LEKR1: variants seen among roughly 807,000 people sequenced by gnomAD.
LEKR1 encodes leucine, glutamate and lysine rich 1.
Under a neutral mutation model 72.4 loss-of-function variants are expected in LEKR1, and 59 were observed. The ratio of observed to expected loss-of-function variants is 0.82; its 90% CI spans 0.66 to 1.01. The LOEUF is 1.01. Ranked by LOEUF, LEKR1 falls within the 50% of genes least tolerant of loss-of-function variation. The pLI is 0.00. For synonymous variants in LEKR1, 257 were observed against 263.2 expected (o/e 0.98, Z 0.23); for missense variants, 728 against 759.2 (o/e 0.96, Z 0.48).
chr3:156,928,770 A>C (rs1724954883), intron 5 of LEKR1, among the ~76,000 whole-genome samples: 2 of 152,086 alleles, frequency 1.3e-5, no homozygotes, highest in Non-Finnish European at 2.9e-5. Context: ...CTGAAACTAA[A>C]GTAGTTGATA....
intron 3 of LEKR1, among the ~76,000 whole-genome samples, chr3:156,893,274 T>G (rs562237125): frequency 3.9e-5 from 6 of 152,282 alleles, no homozygotes; most frequent in Admixed American, 6.5e-5. Context: ...GTCAGATAAG[T>G]CAGACTTTTT....
intron 3 of LEKR1, chr3:156,888,170 A>T: frequency 1.6e-6 from 1 of 620,262 alleles, no homozygotes; most frequent in Non-Finnish European, 2.9e-6. Flanking sequence ...GTAGCAGAGT[A>T]GGAGTGGGGA....
At chr3:156,950,156 G>C (rs952879575) in intron 6 of LEKR1, among the ~76,000 whole-genome samples, 2 of 151,156 alleles carry the variant, frequency 1.3e-5, no homozygotes, top group Non-Finnish European at 3.0e-5. Flanking sequence ...AGGTTGTTCA[G>C]AGCATTATTT....
chr3:156,834,995 T>C (rs962802552), intron 2 of LEKR1, among the ~76,000 whole-genome samples: 2 of 152,244 alleles, frequency 1.3e-5, no homozygotes, highest in African/African-American at 4.8e-5. Flanking sequence ...GAGTTCTTTA[T>C]GTAAACATCC....
chr3:156,853,925 A>G (rs1455211603), intron 3 of LEKR1, among the ~76,000 whole-genome samples: 1 of 152,046 alleles, frequency 6.6e-6, no homozygotes, highest in Non-Finnish European at 1.5e-5. Flanking sequence ...TGTTTGGTGT[A>G]TTCACACCTT....
At chr3:156,984,006 A>C (rs1281556498) in intron 7 of LEKR1, among the ~76,000 whole-genome samples, 1 of 152,154 alleles carries the variant, frequency 6.6e-6, no homozygotes, top group Non-Finnish European at 1.5e-5. Context: ...TAGCAAACAG[A>C]TATTAGAATA....
chr3:156,933,028 T>TCAAA (rs373732154), intron 5 of LEKR1, among the ~76,000 whole-genome samples: 67 of 152,012 alleles, frequency 4.4e-4, no homozygotes, highest in South Asian at 1.5e-3. Flanking sequence ...AGACTCCGTC[T>TCAAA]CAAACAAACA....
intron 12 of LEKR1, among the ~76,000 whole-genome samples, chr3:157,040,926 T>C (rs958588201): frequency 3.3e-5 from 5 of 152,050 alleles, no homozygotes; most frequent in African/African-American, 9.7e-5. Context: ...TCTCCCTTCT[T>C]CCACTGTTTT....
intron 12 of LEKR1, among the ~76,000 whole-genome samples, chr3:157,036,593 T>C (rs1439765731): frequency 6.6e-6 from 1 of 151,734 alleles, no homozygotes; most frequent in Non-Finnish European, 1.5e-5. Flanking sequence ...GACAGCACAA[T>C]GATGGAATAA....
intron 10 of LEKR1, among the ~76,000 whole-genome samples, chr3:157,023,395 G>T (rs1266870005): frequency 6.6e-6 from 1 of 152,170 alleles, no homozygotes; most frequent in Non-Finnish European, 1.5e-5. Context: ...CTCAACTACA[G>T]GAAAAACTGC....
intron 3 of LEKR1, among the ~76,000 whole-genome samples, chr3:156,912,626 G>A (rs941718666): frequency 2.0e-5 from 3 of 152,200 alleles, no homozygotes; most frequent in African/African-American, 7.2e-5. Flanking sequence ...GGCCAAGGGA[G>A]TTCATCCCCA....
intron 5 of LEKR1, among the ~76,000 whole-genome samples, chr3:156,935,635 T>C (rs187231052): frequency 6.6e-6 from 1 of 152,292 alleles, no homozygotes; most frequent in East Asian, 1.9e-4. Context: ...AAAGGATAAT[T>C]CTAGTAAAAG....
At chr3:156,987,463 T>C (rs1553821962) in intron 7 of LEKR1, among the ~76,000 whole-genome samples, 1 of 152,212 alleles carries the variant, frequency 6.6e-6, no homozygotes, top group Non-Finnish European at 1.5e-5. Flanking sequence ...AGTCTGAACA[T>C]ACAGTGAAAG....
At chr3:156,986,122 A>G (rs1730660546) in intron 7 of LEKR1, among the ~76,000 whole-genome samples, 1 of 152,162 alleles carries the variant, frequency 6.6e-6, no homozygotes, top group Non-Finnish European at 1.5e-5. Flanking sequence ...TGACACCTTG[A>G]TTTTAGGACT....
chr3:156,931,162 T>A (rs181588812), intron 5 of LEKR1, among the ~76,000 whole-genome samples: 37 of 152,244 alleles, frequency 2.4e-4, no homozygotes, highest in African/African-American at 8.2e-4. Context: ...GACAAAGAAC[T>A]GTTGTCCCAG....
intron 3 of LEKR1, among the ~76,000 whole-genome samples, chr3:156,870,156 TC>T (rs1362775250): frequency 2.6e-5 from 4 of 152,116 alleles, no homozygotes; most frequent in Non-Finnish European, 4.4e-5. Context: ...CCAGCTTTGT[TC>T]TTTTTGCTCA....
rs1306789768 is a variant in LEKR1 at position 156,928,911 on chromosome 3, TATAAC to T, written c.559+1314_559+1318del. ...TAACATAATAAGAATCCAGAGTCTC[TATAAC>T]ATAACACCCACAATGTTCAGTATAC... On this transcript the variant is annotated intron_variant, in intron 5 of 12. Coordinates refer to ENST00000356539, the MANE Select transcript of LEKR1 (RefSeq NM_001004316.3). Among the ~76,000 whole-genome samples the T allele has an allele frequency of 1.1e-4, 16 of 152,180 alleles. No homozygotes were observed. The East Asian group carries it at 2.9e-3, about 28-fold the overall frequency.
chr3:156,988,827 T>C (rs1260821756), intron 7 of LEKR1: 1 of 153,586 alleles, frequency 6.5e-6, no homozygotes, highest in Non-Finnish European at 1.5e-5. Context: ...TTATGCACTG[T>C]TTTGGGTTGT....
intron 9 of LEKR1, among the ~76,000 whole-genome samples, chr3:156,999,374 T>C (rs1381607835): frequency 6.6e-6 from 1 of 152,136 alleles, no homozygotes; most frequent in Non-Finnish European, 1.5e-5. Flanking sequence ...ATTTTCTTTC[T>C]ATCCCTCCTT....
Sources: allele counts gnomAD v4.1 joint callset (sites outside exome capture counted in the v4.1 genomes callset), GRCh38; gene constraint gnomAD v4.1.1; transcripts MANE v1.5; gene names NCBI Gene and HGNC (gene_info 2026-07-23, HGNC 2026-07-21).